Variants in KCNK2 observed in about 807,000 individuals in gnomAD.
KCNK2 encodes potassium two pore domain channel subfamily K member 2.
Under a neutral mutation model 40.5 loss-of-function variants are expected in KCNK2, and 21 were observed. The observed-to-expected ratio is 0.52, with a 90% CI of 0.37 to 0.75. KCNK2 has a LOEUF of 0.75. Ranked by LOEUF, KCNK2 falls within the 30% of genes least tolerant of loss-of-function variation. The probability of loss-of-function intolerance (pLI) is 0.00; values close to 1 mark genes in which losing one functional copy is unlikely to be tolerated. For missense variants in KCNK2, 399 were observed against 531.6 expected, an observed-to-expected ratio of 0.75 and a Z score of 2.45; for synonymous variants, 191 against 202.2, an observed-to-expected ratio of 0.94 and a Z score of 0.47.
Position 215,156,201 on chromosome 1 carries a change from A to G in KCNK2, c.476-12998A>G, listed in dbSNP as rs764550801. The stretch of plus-strand genomic sequence containing the variant: ...AGTATATAATTACAAAGTACACAGT[A>G]TTGATGGGAATTTTATTTATTTGTG... On this transcript the variant is annotated intron_variant, in intron 3 of 6. Coordinates refer to ENST00000444842, the MANE Select transcript of KCNK2 (RefSeq NM_001017425.3). 2.0e-5 allele frequency among the ~76,000 whole-genome samples: 3 copies of G among 152,120 alleles called. No individual in the cohort carries two copies. In the East Asian group the frequency reaches 5.8e-4, roughly 29 times the overall value.
At chr1:215,146,048 C>T (rs1238798877) in intron 3 of KCNK2, among the ~76,000 whole-genome samples, 1 of 152,086 alleles carries the variant, frequency 6.6e-6, no homozygotes. Context: ...ATTTAGTGCT[C>T]GTGTTTTATT....
intron 2 of KCNK2, among the ~76,000 whole-genome samples, chr1:215,104,965 A>G (rs1056471796): frequency 6.6e-6 from 1 of 152,094 alleles, no homozygotes; most frequent in Non-Finnish European, 1.5e-5. Context: ...ATAGATTTGT[A>G]GAACCCTTTT....
chr1:215,089,567 G>A (rs1271922248), intron 2 of KCNK2, among the ~76,000 whole-genome samples: 1 of 152,052 alleles, frequency 6.6e-6, no homozygotes, highest in Non-Finnish European at 1.5e-5. Context: ...GGGGAGGTGA[G>A]GGAAGATATG....
At chr1:215,083,478 C>G in intron 1 of KCNK2, 47 bp downstream of exon 1, 1 of 1,377,710 alleles carries the variant, frequency 7.3e-7, no homozygotes, top group Non-Finnish European at 1.0e-6. Context: ...CGCACGCTCT[C>G]CTGCCCCAGC....
chr1:215,008,705 CT>C (rs1191291271), intron 1 of KCNK2, among the ~76,000 whole-genome samples: 4 of 152,086 alleles, frequency 2.6e-5, no homozygotes, highest in Admixed American at 2.6e-4. Context: ...GAAATTCTAG[CT>C]GTTTAAAGTA....
Position 215,107,131 on chromosome 1 carries a change from A to G in KCNK2, c.358-17502A>G, listed in dbSNP as rs185964166. ...AGTTTTGTCTAATTCTGTGAAAATG[A>G]TGTTTTTAATTTGATAGGAATAATG... On this transcript the variant is annotated intron_variant, in intron 2 of 6. Transcript: ENST00000444842. Among the ~76,000 whole-genome samples, 313 of 151,820 alleles carry G rather than the reference A, an allele frequency of 2.1e-3. 2 individuals are homozygous for G. Among genetic ancestry groups the G allele is most frequent in the Admixed American group, 5.7e-3 (87 of 15,210 alleles).
At chr1:215,121,067 G>T (rs923700879) in intron 2 of KCNK2, among the ~76,000 whole-genome samples, 3 of 152,060 alleles carry the variant, frequency 2.0e-5, no homozygotes, top group African/African-American at 7.2e-5. Context: ...CTTAGCTCTG[G>T]AAAGACTGTT....
At chr1:215,116,082 T>A (rs1412692143) in intron 2 of KCNK2, among the ~76,000 whole-genome samples, 6 of 151,922 alleles carry the variant, frequency 3.9e-5, no homozygotes, top group African/African-American at 1.4e-4. Context: ...AGTCAGCTAA[T>A]GGTTACTTGC....
At chr1:215,165,746 T>A (rs1663414856) in intron 3 of KCNK2, among the ~76,000 whole-genome samples, 1 of 152,110 alleles carries the variant, frequency 6.6e-6, no homozygotes, top group African/African-American at 2.4e-5. Flanking sequence ...GGCTATAATA[T>A]ACTGCTAAAC....
intron 1 of KCNK2, among the ~76,000 whole-genome samples, chr1:215,052,708 C>A (rs565375043): frequency 3.9e-5 from 6 of 152,198 alleles, no homozygotes; most frequent in Non-Finnish European, 8.8e-5. Context: ...GGTTGAGAAA[C>A]CTTGGATTAG....
At chr1:215,078,950 T>G (rs1659048561), upstream of KCNK2, among the ~76,000 whole-genome samples, 1 of 152,192 alleles carries the variant, frequency 6.6e-6, no homozygotes, top group Non-Finnish European at 1.5e-5. Context: ...TTTTTTAATT[T>G]TAATTTTCAC....
intron 1 of KCNK2, among the ~76,000 whole-genome samples, chr1:215,027,911 C>T (rs534173729): frequency 6.6e-6 from 1 of 152,080 alleles, no homozygotes; most frequent in Non-Finnish European, 1.5e-5. Flanking sequence ...AAATATGATC[C>T]TTTCCCACTA....
chr1:215,210,336 C>T (rs1571735921), intron 6 of KCNK2, among the ~76,000 whole-genome samples: 2 of 151,646 alleles, frequency 1.3e-5, no homozygotes, highest in East Asian at 2.0e-4. Context: ...TCTGAATGAA[C>T]AGGCAAGGCA....
chr1:215,091,886 A>G (rs1659706926), intron 2 of KCNK2, among the ~76,000 whole-genome samples: 1 of 152,172 alleles, frequency 6.6e-6, no homozygotes, highest in African/African-American at 2.4e-5. Flanking sequence ...TGGCATGTAG[A>G]AGAACTACAA....
intron 1 of KCNK2, among the ~76,000 whole-genome samples, chr1:215,062,242 G>T (rs1658385783): frequency 6.6e-6 from 1 of 152,136 alleles, no homozygotes; most frequent in Admixed American, 6.5e-5. Flanking sequence ...CAAGATAAGA[G>T]TCTGGGCTTT....
At chr1:215,169,807 G>A (rs1244620961) in intron 4 of KCNK2, among the ~76,000 whole-genome samples, 1 of 151,766 alleles carries the variant, frequency 6.6e-6, no homozygotes, top group African/African-American at 2.4e-5. Flanking sequence ...CACCATGCCT[G>A]GCTAATTTTG....
At chr1:215,123,814 C>T (rs1229112183) in intron 2 of KCNK2, among the ~76,000 whole-genome samples, 1 of 152,170 alleles carries the variant, frequency 6.6e-6, no homozygotes, top group Non-Finnish European at 1.5e-5. Flanking sequence ...CTCTCTTCTA[C>T]TGTACATTTT....
chr1:215,122,457 G>C (rs1457558539), intron 2 of KCNK2, among the ~76,000 whole-genome samples: 2 of 152,072 alleles, frequency 1.3e-5, no homozygotes, highest in African/African-American at 4.8e-5. Flanking sequence ...TAGATGAATA[G>C]AATTAGCTAT....
chr1:215,230,586 A>AATAT lies in KCNK2; in HGVS notation c.964-4224_964-4221dup, dbSNP rs67678689. 1.5e-4 allele frequency among the ~76,000 whole-genome samples: 19 copies of AATAT among 122,726 alleles called. No individual in the cohort carries two copies. In the South Asian group the frequency reaches 1.7e-3, roughly 11 times the overall value. 80.5% of individuals were successfully genotyped at this position (122,726 alleles called of 152,430 possible). On this transcript the variant is annotated intron_variant, in intron 6 of 6. Transcript: ENST00000444842. ...TATATATATATATATACAAGACCGT[A>AATAT]ATATATATATATATATATATAGCCG...
Sources: gnomAD v4.1 joint callset for allele counts (sites outside exome capture counted in the v4.1 genomes callset) on GRCh38, gnomAD v4.1.1 for gene constraint, MANE v1.5 for transcripts, NCBI Gene and HGNC (gene_info 2026-07-23, HGNC 2026-07-21) for gene names.